Variants in RGS22 observed in about 807,000 individuals in gnomAD.
RGS22 encodes regulator of G-protein signaling 22.
RGS22 carries 148 observed loss-of-function variants against 172.9 expected under a neutral mutation model. That is an observed-to-expected ratio of 0.86 (90% CI 0.75 to 0.98). RGS22 has a LOEUF of 0.98. Ranked by LOEUF, RGS22 falls within the 50% of genes least tolerant of loss-of-function variation. RGS22 has a pLI of 0.00. For synonymous variants in RGS22, 458 were observed against 480.2 expected, an observed-to-expected ratio of 0.95 and a Z score of 0.60; for missense variants, 1,347 against 1,440.8, an observed-to-expected ratio of 0.93 and a Z score of 1.05.
rs1052433438 is a variant in RGS22, at chr8:99,996,510, T to C, written c.2970A>G (p.Ala990=). Residue 990 remains alanine, a synonymous_variant, in exon 20 of 28, where the codon GCA becomes GCG. Transcript: ENST00000360863. ...QKIKVQMKDI[A]EELLLQKAEK... ...CAGCCTTCTGTAGTAAGAGCTCTTC[T>C]GCTATGTCTTTCATCTGTACCTGAA... The C allele has an allele frequency of 2.5e-6, 4 of 1,613,414 alleles. No individual in the cohort carries two copies. Among genetic ancestry groups the C allele is most frequent in the Non-Finnish European group, 3.4e-6 (4 of 1,179,622 alleles).
At chr8:100,105,847 G>A (rs1563740954) in intron 1 of RGS22, 50 bp downstream of exon 1, 1 of 1,458,088 alleles carries the variant, frequency 6.9e-7, no homozygotes, top group African/African-American at 1.5e-5. Flanking sequence ...CGCGTGGTGC[G>A]GCCCCGACGC....
Position 100,080,342 on chromosome 8 carries a change from G to T in RGS22, c.131C>A (p.Ala44Glu), listed in dbSNP as rs1026181387. Residue 44 changes from alanine to glutamate, a missense_variant, in exon 4 of 28, where the codon GCA (alanine) becomes GAA (glutamate). Physicochemically the swap from Ala to Glu is moderately radical, Grantham distance 107. Coordinates refer to ENST00000360863, the MANE Select transcript of RGS22 (RefSeq NM_015668.5). ...EFLSLPTFSE[A>E]IRFNADYGVF... ...TCCATAATCTGCATTAAATCTAATT[G>T]CCTCTGAAAAGGTCTGCAATATAAA... is the stretch of plus-strand genomic sequence containing the variant. 16 of 1,609,230 alleles carry T rather than the reference G, an allele frequency of 9.9e-6. No homozygotes were observed. The highest frequency in any genetic ancestry group is 1.4e-5 in the Non-Finnish European group (16 of 1,177,250).
intron 9 of RGS22, among the ~76,000 whole-genome samples, chr8:100,054,812 T>A (rs917170861): frequency 6.6e-6 from 1 of 152,098 alleles, no homozygotes; most frequent in Non-Finnish European, 1.5e-5. Flanking sequence ...TGTCAACCAG[T>A]AAGGGGGCAT....
chr8:99,990,341 G>T (rs536654142), intron 20 of RGS22, among the ~76,000 whole-genome samples: 1 of 152,212 alleles, frequency 6.6e-6, no homozygotes, highest in African/African-American at 2.4e-5. Flanking sequence ...TCTAGCAGGG[G>T]ACTCTGGCCT....
At chr8:99,997,999 T>G (rs1028263760) in intron 19 of RGS22, among the ~76,000 whole-genome samples, 11 of 152,324 alleles carry the variant, frequency 7.2e-5, no homozygotes, top group African/African-American at 2.6e-4. Context: ...TTCTGCATCC[T>G]GCTTGTTTTG....
At chr8:99,998,271 C>T (rs1814606276) in intron 19 of RGS22, among the ~76,000 whole-genome samples, 1 of 152,136 alleles carries the variant, frequency 6.6e-6, no homozygotes, top group African/African-American at 2.4e-5. Context: ...TTCTAAGAAA[C>T]AAGCACATGT....
chr8:99,983,794 C>T (rs2131220403), intron 21 of RGS22, among the ~76,000 whole-genome samples: 1 of 152,274 alleles, frequency 6.6e-6, no homozygotes, highest in South Asian at 2.1e-4. Flanking sequence ...AATGAACCAA[C>T]ATTTATTAAG....
chr8:100,039,040 T>C lies in RGS22; in HGVS notation c.2065-8A>G, dbSNP rs1425825576. 1.3e-6 allele frequency: 2 copies of C among 1,524,932 alleles called. No individual in the cohort carries two copies. Among genetic ancestry groups the C allele is most frequent in the Admixed American group, 1.8e-5 (1 of 55,208 alleles). 94.5% of individuals were successfully genotyped at this position (1,524,932 alleles called of 1,614,324 possible). On this transcript the variant is annotated splice_region_variant and splice_polypyrimidine_tract_variant and intron_variant, in intron 13 of 27. Coordinates refer to ENST00000360863, the MANE Select transcript of RGS22 (RefSeq NM_015668.5). ...CACACTGTTCTTCCACAACTACAGA[T>C]GGAAAAAGTACATAAATTATTACCA... is the stretch of plus-strand genomic sequence containing the variant.
chr8:100,105,810 G>A, intron 1 of RGS22, 87 bp downstream of exon 1: 1 of 1,185,608 alleles, frequency 8.4e-7, no homozygotes, highest in Non-Finnish European at 1.2e-6. Context: ...ACCGCTAGGA[G>A]GGCAGGAGGT....
intron 9 of RGS22, among the ~76,000 whole-genome samples, chr8:100,056,599 G>T (rs1018681948): frequency 6.6e-6 from 1 of 152,124 alleles, no homozygotes; most frequent in Non-Finnish European, 1.5e-5. Flanking sequence ...GCTAAAGGGG[G>T]GCAAGGCACA....
intron 9 of RGS22, among the ~76,000 whole-genome samples, chr8:100,058,184 A>C (rs72676294): frequency 0.51 from 76,601 of 149,708 alleles, 20,556 homozygotes; most frequent in Admixed American, 0.6. Context: ...AAAAAAAAAA[A>C]AACAACAACA....
intron 14 of RGS22, among the ~76,000 whole-genome samples, chr8:100,033,589 C>T (rs1819092096): frequency 6.6e-6 from 1 of 151,394 alleles, no homozygotes; most frequent in African/African-American, 2.4e-5. Context: ...TGAATTCTAC[C>T]AGAGGTACAA....
At chr8:100,072,263 T>C (rs1811043254) in intron 4 of RGS22, 33 bp from the exon 5 acceptor site, 1 of 1,365,060 alleles carries the variant, frequency 7.3e-7, no homozygotes, top group Non-Finnish European at 1.0e-6. Context: ...AAAAAGAAGG[T>C]CAGAGAAAAT....
At chr8:100,022,223 TC>T (rs1372876025) in intron 14 of RGS22, among the ~76,000 whole-genome samples, 1 of 152,070 alleles carries the variant, frequency 6.6e-6, no homozygotes, top group Non-Finnish European at 1.5e-5. Context: ...ACTGCAGAGA[TC>T]AACACAAGAT....
intron 9 of RGS22, among the ~76,000 whole-genome samples, chr8:100,057,056 C>T (rs901487666): frequency 3.3e-5 from 5 of 152,254 alleles, no homozygotes; most frequent in Non-Finnish European, 7.3e-5. Flanking sequence ...GTGAACCCAC[C>T]TCTCAGATCA....
chr8:100,024,777 G>A (rs182407376), intron 14 of RGS22, among the ~76,000 whole-genome samples: 299 of 152,184 alleles, frequency 2.0e-3, no homozygotes, highest in Non-Finnish European at 3.4e-3. Flanking sequence ...AATGGATGGC[G>A]TTAGGAAAGC....
Position 99,982,100 on chromosome 8 carries a change from T to A in RGS22, c.3197A>T (p.His1066Leu). 1 of 1,612,854 alleles carries A rather than the reference T, an allele frequency of 6.2e-7. No individual in the cohort carries two copies. The highest frequency in any genetic ancestry group is 8.5e-7 in the Non-Finnish European group (1 of 1,179,256). ...VQKYKDLCHS[H>L]CDESVIQKKI... ...CTTCTGGATGACAGACTCATCACAATGAGAATGGCACAAGTCCTGAACAGA... is the reference window on the plus strand; with the variant it reads ...CTTCTGGATGACAGACTCATCACAAAGAGAATGGCACAAGTCCTGAACAGA... Residue 1066 changes from histidine to leucine, a missense_variant, in exon 22 of 28, where the codon CAT becomes CTT. Physicochemically the swap from His to Leu is moderately conservative, Grantham distance 99 (BLOSUM62 -3). Transcript: ENST00000360863.
At chr8:100,087,092 T>C (rs1812220659) in intron 3 of RGS22, among the ~76,000 whole-genome samples, 1 of 152,140 alleles carries the variant, frequency 6.6e-6, no homozygotes, top group Non-Finnish European at 1.5e-5. Flanking sequence ...AGTCCTTTGT[T>C]TTAACCATTT....
chr8:100,052,436 G>A (rs1280847756), intron 10 of RGS22, among the ~76,000 whole-genome samples: 1 of 151,158 alleles, frequency 6.6e-6, no homozygotes, highest in Non-Finnish European at 1.5e-5. Context: ...CGAGTAGCTG[G>A]GACTACAGGC....
Sources: gnomAD v4.1 joint callset for allele counts (sites outside exome capture counted in the v4.1 genomes callset) on GRCh38, gnomAD v4.1.1 for gene constraint, MANE v1.5 for transcripts, NCBI Gene and HGNC (gene_info 2026-07-23, HGNC 2026-07-21) for gene names.